DCAF5: variants seen among roughly 807,000 people sequenced by gnomAD.
DCAF5 encodes the protein DDB1- and CUL4-associated factor 5.
In DCAF5, 9 loss-of-function variants were observed where a neutral mutation model predicts 80.7. The ratio of observed to expected loss-of-function variants is 0.11; its 90% confidence interval spans 0.07 to 0.19. DCAF5 has a LOEUF of 0.19. DCAF5 is among the 10% of genes least tolerant of loss of function. DCAF5 has a pLI of 1.00. For missense variants in DCAF5, 842 were observed against 1,205.7 expected, an observed-to-expected ratio of 0.70 and a Z score of 4.47; for synonymous variants, 433 against 461.9, an observed-to-expected ratio of 0.94 and a Z score of 0.80.
intron 6 of DCAF5, among the ~76,000 whole-genome samples, chr14:69,086,483 T>C (rs181406592): frequency 6.6e-6 from 1 of 152,086 alleles, no homozygotes; most frequent in East Asian, 1.9e-4. Context: ...AAGAGTAGCC[T>C]AAAATCACAA....
In DCAF5 at chr14:69,152,667, G is replaced by C; in HGVS notation, c.214+98C>G. 1.2e-6 allele frequency: 1 copy of C among 859,170 alleles called. No individual in the cohort carries two copies. The highest frequency in any genetic ancestry group is 1.6e-5 in the South Asian group (1 of 61,082). The allele number at this position is 859,170 out of a possible 1,614,324, so 53.2% of individuals were successfully genotyped here. A position where few individuals can be genotyped will look rare whatever the true frequency, so the allele number is the denominator to read the frequency against. On this transcript the variant is annotated intron_variant, in intron 1 of 8. Transcript: ENST00000341516. The surrounding 1 kb of genome is among the most constrained non-coding windows in gnomAD (Gnocchi z 4.1). ...AGAAGGGGGTAGAGAAAGGGAGGGGGTGGGGACAGAGGGCAGGAGGAGGGT... is the reference window on the plus strand; with the variant it reads ...AGAAGGGGGTAGAGAAAGGGAGGGGCTGGGGACAGAGGGCAGGAGGAGGGT...
chr14:69,086,800 G>A (rs1393472150), intron 6 of DCAF5, among the ~76,000 whole-genome samples: 1 of 152,108 alleles, frequency 6.6e-6, no homozygotes, highest in African/African-American at 2.4e-5. Flanking sequence ...GATTCATAGG[G>A]TGCAAGTCAG....
In DCAF5 at chr14:69,075,430, T is replaced by C. The variant is rs764748717; in HGVS notation, c.880-19A>G. On this transcript the variant is annotated intron_variant, in intron 6 of 8. Coordinates refer to ENST00000341516, the MANE Select transcript of DCAF5 (RefSeq NM_003861.3). ...GGATATACTGTTGGAACAAAAAATA[T>C]ATAGATAACATTATATATTATAATA... 2.0e-6 allele frequency: 3 copies of C among 1,508,388 alleles called. No individual in the cohort carries two copies. The highest frequency in any genetic ancestry group is 2.3e-5 in the East Asian group (1 of 43,466). 93.4% of individuals were successfully genotyped at this position (1,508,388 alleles called of 1,614,324 possible).
chr14:69,078,892 A>C (rs887535347), intron 6 of DCAF5, among the ~76,000 whole-genome samples: 2 of 151,924 alleles, frequency 1.3e-5, no homozygotes, highest in Admixed American at 1.3e-4. Context: ...TTTGAGACAG[A>C]GTTTCTGCCG....
Position 69,122,319 on chromosome 14 carries a change from C to T in DCAF5, c.256G>A (p.Ala86Thr). 4 of 1,613,702 alleles carry T rather than the reference C, an allele frequency of 2.5e-6. No homozygotes were observed. The highest frequency in any genetic ancestry group is 3.4e-6 in the Non-Finnish European group (4 of 1,179,682). The change falls in exon 2 of 9, where the codon GCC (alanine) becomes ACC (threonine). Residue 86 changes from alanine to threonine, a missense_variant. Ala to Thr is a moderately conservative substitution (Grantham distance 58, BLOSUM62 0). Transcript: ENST00000341516. ...ATGGGCTTGACCCTGGAGTGGATGG[C>T]TTGTTCCATGTGCCATAGCAGAACC... The part of the protein sequence containing the change: ...RRVLLWHMEQ[A>T]IHSRVKPIQL...
chr14:69,122,483 A>G (rs1434979316), intron 1 of DCAF5, 123 bp from the exon 2 acceptor site: 2 of 1,029,100 alleles, frequency 1.9e-6, no homozygotes, highest in African/African-American at 1.6e-5. Context: ...TAAGATTCGC[A>G]TGGAGCACAA....
chr14:69,137,617 C>T lies in DCAF5; in HGVS notation c.214+15148G>A, dbSNP rs190878247. ...AGGAATGCACACTACACCCAGCCAC[C>T]CACCAGCAGATGTAAACAGAGATGT... On this transcript the variant is annotated intron_variant, in intron 1 of 8. Coordinates refer to ENST00000341516, the MANE Select transcript of DCAF5 (RefSeq NM_003861.3). 5.3e-4 allele frequency among the ~76,000 whole-genome samples: 81 copies of T among 152,242 alleles called. 1 individual carries two copies. Among genetic ancestry groups the T allele is most frequent in the Admixed American group, 5.3e-3 (81 of 15,284 alleles).
At chr14:69,092,129 GA>G (rs1047532463) in intron 5 of DCAF5, among the ~76,000 whole-genome samples, 9 of 152,244 alleles carry the variant, frequency 5.9e-5, no homozygotes, top group Non-Finnish European at 1.3e-4. Context: ...AAAGTTACAA[GA>G]AAAGGATAAC....
chr14:69,089,443 C>T (rs1027268362), intron 6 of DCAF5: 7 of 152,262 alleles, frequency 4.6e-5, no homozygotes, highest in African/African-American at 1.4e-4. Context: ...AGGAAAACCA[C>T]TTACCCCAGC....
intron 6 of DCAF5, chr14:69,090,101 C>G (rs757868427): frequency 2.4e-5 from 24 of 985,060 alleles, no homozygotes; most frequent in Non-Finnish European, 2.9e-5. Context: ...ACTGCATGCT[C>G]TATTATTCAA....
intron 8 of DCAF5, among the ~76,000 whole-genome samples, chr14:69,059,513 T>C (rs1038228227): frequency 1.3e-5 from 2 of 152,168 alleles, no homozygotes; most frequent in Non-Finnish European, 2.9e-5. Flanking sequence ...TCCTGGGTGG[T>C]AAGTCACTGT....
intron 5 of DCAF5, among the ~76,000 whole-genome samples, chr14:69,097,886 G>A (rs1224682973): frequency 1.3e-5 from 2 of 151,978 alleles, no homozygotes; most frequent in African/African-American, 2.4e-5. Context: ...ACCATGCCCG[G>A]CCACCCACTG....
chr14:69,091,954 T>C (rs1375819384), intron 5 of DCAF5, 67 bp from the exon 6 acceptor site: 3 of 1,375,220 alleles, frequency 2.2e-6, no homozygotes, highest in Non-Finnish European at 1.0e-6. Context: ...AAACACATGT[T>C]TGCCTATGAC....
chr14:69,079,087 C>A (rs1452163523), intron 6 of DCAF5, among the ~76,000 whole-genome samples: 2 of 151,194 alleles, frequency 1.3e-5, no homozygotes, highest in African/African-American at 2.4e-5. Flanking sequence ...CCCTGCCCCC[C>A]ATACCACTGC....
chr14:69,148,386 G>A (rs1460696179), intron 1 of DCAF5, among the ~76,000 whole-genome samples: 2 of 152,122 alleles, frequency 1.3e-5, no homozygotes, highest in Non-Finnish European at 2.9e-5. Context: ...TCAAGTATAA[G>A]CTAGTCTTTA....
chr14:69,132,722 T>C (rs367624403), intron 1 of DCAF5, among the ~76,000 whole-genome samples: 1 of 152,122 alleles, frequency 6.6e-6, no homozygotes, highest in Non-Finnish European at 1.5e-5. Flanking sequence ...TGGGGCAGCA[T>C]AGCACAGCAC....
At chr14:69,091,170 GAA>G (rs767759732) in intron 6 of DCAF5, 5 of 724,528 alleles carry the variant, frequency 6.9e-6, no homozygotes, top group East Asian at 5.0e-5. Flanking sequence ...GCAGTAAAAA[GAA>G]AAAGAGTCAG....
chr14:69,075,804 A>G (rs1055130077), intron 6 of DCAF5, among the ~76,000 whole-genome samples: 2 of 152,260 alleles, frequency 1.3e-5, no homozygotes, highest in East Asian at 1.9e-4. Flanking sequence ...GATTTTTAAT[A>G]TATCTATCTG....
chr14:69,143,553 CTTT>C (rs562355110), intron 1 of DCAF5, among the ~76,000 whole-genome samples: 17 of 102,164 alleles, frequency 1.7e-4, no homozygotes, highest in Admixed American at 2.5e-4. Context: ...ATCTGTTAAA[CTTT>C]TTTTTTTTTT....
Sources: allele counts gnomAD v4.1 joint callset (sites outside exome capture counted in the v4.1 genomes callset), GRCh38; gene constraint gnomAD v4.1.1; non-coding constraint Gnocchi (gnomAD v3.1); transcripts MANE v1.5; gene names NCBI Gene and HGNC (gene_info 2026-07-23, HGNC 2026-07-21).